Variants in UBE3C observed in about 807,000 individuals in gnomAD.
The protein encoded by UBE3C is ubiquitin protein ligase E3C.
A neutral mutation model predicts 129.4 loss-of-function variants in UBE3C; 42 were observed. The ratio of observed to expected loss-of-function variants is 0.32; its 90% CI spans 0.25 to 0.42. The LOEUF is 0.42. Among genes scored for constraint, UBE3C ranks in the 10% least tolerant of loss-of-function variants. UBE3C has a pLI of 1.00. For missense variants in UBE3C, 1,049 were observed against 1,319.1 expected (o/e 0.80, Z 3.17); for synonymous variants, 510 against 492.4 (o/e 1.04, Z -0.47).
intron 18 of UBE3C, among the ~76,000 whole-genome samples, chr7:157,243,436 A>G (rs1265033415): frequency 2.0e-5 from 3 of 152,234 alleles, no homozygotes; most frequent in Non-Finnish European, 2.9e-5. Context: ...TCTGAGTAAC[A>G]GCTAGTGGGC....
Position 157,183,993 on chromosome 7 carries a change from G to C in UBE3C, c.1107G>C (p.Glu369Asp). The change falls in exon 9 of 23, where the codon GAG becomes GAC. Residue 369 changes from glutamate to aspartate, a missense_variant. Glu to Asp is a conservative substitution (Grantham distance 45). Coordinates refer to ENST00000348165, the MANE Select transcript of UBE3C (RefSeq NM_014671.3). ...ASCHDSASDS[E>D]EESEEADKPS... The stretch of plus-strand genomic sequence containing the variant: ...GTCACGACTCAGCCAGTGACTCTGA[G>C]GAGGAGAGTGAAGAAGCCGACAAGC... The C allele has an allele frequency of 6.2e-7, 1 of 1,614,184 alleles. No homozygotes were observed. The highest frequency in any genetic ancestry group is 1.1e-5 in the South Asian group (1 of 91,076).
chr7:157,213,582 G>C lies in UBE3C; in HGVS notation c.1810-3285G>C, dbSNP rs75194111. Among the ~76,000 whole-genome samples the C allele has an allele frequency of 7.5e-3, 1,138 of 152,308 alleles. 6 individuals carry two copies. Among genetic ancestry groups the C allele is most frequent in the Non-Finnish European group, 0.012 (805 of 68,028 alleles). On this transcript the variant is annotated intron_variant, in intron 13 of 22. Transcript: ENST00000348165. ...TGCTAGATACTTGTAGAGCAGTTGAGTTTGTGATTCTGAAAGTGAATGTGG... is the reference window on the plus strand; with the variant it reads ...TGCTAGATACTTGTAGAGCAGTTGACTTTGTGATTCTGAAAGTGAATGTGG...
At chr7:157,201,406 G>A (rs975182455) in intron 10 of UBE3C, among the ~76,000 whole-genome samples, 9 of 151,884 alleles carry the variant, frequency 5.9e-5, no homozygotes, top group Admixed American at 2.0e-4. Context: ...ATGTAGCAGA[G>A]GGGGAGCAGG....
At chr7:157,173,153 C>G (rs1808424013) in intron 4 of UBE3C, among the ~76,000 whole-genome samples, 1 of 152,166 alleles carries the variant, frequency 6.6e-6, no homozygotes, top group Admixed American at 6.5e-5. Flanking sequence ...GTGGGAGGAT[C>G]CCTTCAGGCC....
At chr7:157,256,104 T>C (rs1246620858) in intron 21 of UBE3C, among the ~76,000 whole-genome samples, 3 of 152,166 alleles carry the variant, frequency 2.0e-5, no homozygotes, top group African/African-American at 7.2e-5. Context: ...TGCATTCATC[T>C]TTATAGTTAC....
intron 4 of UBE3C, among the ~76,000 whole-genome samples, chr7:157,174,485 T>C (rs932728153): frequency 2.0e-5 from 3 of 152,164 alleles, no homozygotes; most frequent in Non-Finnish European, 4.4e-5. Flanking sequence ...TCTCTCTCTC[T>C]CTCGCCCAGG....
At chr7:157,207,336 A>G (rs1337169844) in intron 11 of UBE3C, 62 bp from the exon 12 acceptor site, 1 of 1,565,176 alleles carries the variant, frequency 6.4e-7, no homozygotes, top group African/African-American at 1.4e-5. Flanking sequence ...TGTTTTAATT[A>G]GTTCCCAAAC....
intron 14 of UBE3C, among the ~76,000 whole-genome samples, chr7:157,218,778 G>A (rs1175992342): frequency 6.6e-6 from 1 of 152,110 alleles, no homozygotes; most frequent in Admixed American, 6.6e-5. Flanking sequence ...GGTGGCTGGG[G>A]CTGGGAGACA....
chr7:157,182,426 G>A, intron 8 of UBE3C, 98 bp downstream of exon 8: 1 of 1,261,178 alleles, frequency 7.9e-7, no homozygotes, highest in African/African-American at 1.5e-5. Context: ...TTATGGAAAG[G>A]TGGGCCTCTC....
chr7:157,250,749 A>G (rs1316203557), intron 19 of UBE3C, among the ~76,000 whole-genome samples: 3 of 152,198 alleles, frequency 2.0e-5, no homozygotes, highest in Non-Finnish European at 2.9e-5. Context: ...TGTTACTGTC[A>G]TTAGGAAGTA....
At chr7:157,206,793 A>ACG (rs1554430406) in intron 11 of UBE3C, among the ~76,000 whole-genome samples, 5 of 151,760 alleles carry the variant, frequency 3.3e-5, no homozygotes, top group Non-Finnish European at 7.4e-5. Context: ...TGATGGGTGA[A>ACG]AGGCTGCTGA....
In UBE3C at chr7:157,249,995, A is replaced by G. The variant is rs932224880; in HGVS notation, c.2694+1415A>G. On this transcript the variant is annotated intron_variant, in intron 19 of 22. Coordinates refer to ENST00000348165, the MANE Select transcript of UBE3C (RefSeq NM_014671.3). ...ACTCTTACTGATAAGTATAATGCAA[A>G]TATTCCAAAATTTGGGGGGAAAAAA... Among the ~76,000 whole-genome samples the G allele has an allele frequency of 2.6e-5, 4 of 152,302 alleles. No individual in the cohort carries two copies. The East Asian group carries it at 7.7e-4, about 29-fold the overall frequency.
intron 21 of UBE3C, among the ~76,000 whole-genome samples, chr7:157,254,684 C>T (rs932679075): frequency 6.6e-6 from 1 of 151,998 alleles, no homozygotes; most frequent in Non-Finnish European, 1.5e-5. Context: ...TGGGCGTGAG[C>T]CACCATGCCT....
chr7:157,162,660 C>G (rs1268906640), intron 1 of UBE3C, among the ~76,000 whole-genome samples: 1 of 151,976 alleles, frequency 6.6e-6, no homozygotes, highest in African/African-American at 2.4e-5. Flanking sequence ...CCACCTCAGC[C>G]CCCTGAGTAG....
At chr7:157,139,634 C>T (rs1253397752) in intron 1 of UBE3C, among the ~76,000 whole-genome samples, 2 of 152,224 alleles carry the variant, frequency 1.3e-5, no homozygotes, top group African/African-American at 2.4e-5. Flanking sequence ...CCTTGCCTGT[C>T]CACTGCGCTT....
chr7:157,189,677 G>A (rs770466221), intron 10 of UBE3C, among the ~76,000 whole-genome samples: 12 of 152,094 alleles, frequency 7.9e-5, no homozygotes, highest in Admixed American at 6.6e-4. Flanking sequence ...CTCTTTCAGC[G>A]GCTTCTTTCA....
chr7:157,177,689 C>G (rs879380986), intron 5 of UBE3C, among the ~76,000 whole-genome samples: 2 of 152,232 alleles, frequency 1.3e-5, no homozygotes, highest in Non-Finnish European at 2.9e-5. Context: ...GGGTGTCCTG[C>G]CCAGCCTGCC....
Position 157,225,456 on chromosome 7 carries a change from G to A in UBE3C, c.2150G>A (p.Gly717Asp). 3 of 1,606,074 alleles carry A rather than the reference G, an allele frequency of 1.9e-6. No homozygotes were observed. The highest frequency in any genetic ancestry group is 2.2e-5 in the East Asian group (1 of 44,688). ...GATAAGCAAGAAGTTCAAGGAGATGGTCCATTTCTGGATGGAATTAATGTC... is the reference window on the plus strand; with the variant it reads ...GATAAGCAAGAAGTTCAAGGAGATGATCCATTTCTGGATGGAATTAATGTC... Reference protein sequence around the residue: ...YADKQEVQGDGPFLDGINVTI... With the variant: ...YADKQEVQGDDPFLDGINVTI... Residue 717 changes from glycine to aspartate, a missense_variant, in exon 17 of 23, where the codon GGT becomes GAT. Around this residue, in one of 4 missense-constraint regions of UBE3C, gnomAD observed 314 missense variants for 416.9 expected, o/e 0.75. Coordinates refer to ENST00000348165, the MANE Select transcript of UBE3C (RefSeq NM_014671.3).
intron 11 of UBE3C, among the ~76,000 whole-genome samples, chr7:157,205,515 T>C (rs1809408018): frequency 6.6e-6 from 1 of 152,174 alleles, no homozygotes; most frequent in African/African-American, 2.4e-5. Context: ...CCAGCTGTCA[T>C]AGGCAGGGCT....
Sources: allele counts gnomAD v4.1 joint callset (sites outside exome capture counted in the v4.1 genomes callset), GRCh38; gene constraint gnomAD v4.1.1; regional missense constraint gnomAD v4.1.1; transcripts MANE v1.5; gene names NCBI Gene and HGNC (gene_info 2026-07-23, HGNC 2026-07-21).